Variants in PPFIA1 observed in about 807,000 individuals in gnomAD.
The protein encoded by PPFIA1 is PPFI scaffold protein A1.
PPFIA1 carries 25 observed loss-of-function variants against 149.9 expected under a neutral mutation model. The observed-to-expected ratio is 0.17, with a 90% CI of 0.12 to 0.23. The LOEUF is 0.23. Among genes scored for constraint, PPFIA1 ranks in the 10% least tolerant of loss-of-function variants. The pLI is 1.00. For synonymous variants in PPFIA1, 549 were observed against 552.8 expected (o/e 0.99, Z 0.10); for missense variants, 1,362 against 1,506.5 (o/e 0.90, Z 1.59).
intron 16 of PPFIA1, among the ~76,000 whole-genome samples, chr11:70,351,986 A>T: frequency 6.6e-6 from 1 of 152,156 alleles, no homozygotes; most frequent in South Asian, 2.1e-4. Context: ...GCTGTTCTTT[A>T]TGTTGACCCC....
At chr11:70,321,484 C>T (rs893002370) in intron 2 of PPFIA1, 2 of 151,962 alleles carry the variant, frequency 1.3e-5, no homozygotes, top group East Asian at 1.9e-4. Flanking sequence ...TTTACTGCAT[C>T]GGAAATTTAA....
At chr11:70,336,788 C>T (rs1251714051) in intron 11 of PPFIA1, among the ~76,000 whole-genome samples, 2 of 152,218 alleles carry the variant, frequency 1.3e-5, no homozygotes, top group African/African-American at 2.4e-5. Flanking sequence ...CCTGTCCTGA[C>T]TGTGCAGTGT....
chr11:70,339,303 C>T lies in PPFIA1; in HGVS notation c.1704C>T (p.Ser568=), dbSNP rs1424982891. ...GRLAALRDEP[S]KVQTLNEQDW... ...TGGCAGCCCTGCGAGATGAGCCTTCCAAGGCAAGGTCTTTGTGTGAAATAC... is the reference window on the plus strand; with the variant it reads ...TGGCAGCCCTGCGAGATGAGCCTTCTAAGGCAAGGTCTTTGTGTGAAATAC... The change falls in exon 14 of 28, where the codon TCC becomes TCT. Residue 568 remains serine, a synonymous_variant. Transcript: ENST00000253925. 4.3e-6 allele frequency: 7 copies of T among 1,613,170 alleles called. No individual in the cohort carries two copies. Among genetic ancestry groups the T allele is most frequent in the South Asian group, 1.1e-5 (1 of 91,048 alleles).
At chr11:70,342,846 A>G (rs1010003702) in intron 14 of PPFIA1, among the ~76,000 whole-genome samples, 7 of 150,610 alleles carry the variant, frequency 4.6e-5, no homozygotes, top group African/African-American at 1.7e-4. Context: ...AATCAGGGTA[A>G]TTGGGATATC....
At chr11:70,363,600 A>G (rs933399657) in intron 21 of PPFIA1, among the ~76,000 whole-genome samples, 1 of 152,120 alleles carries the variant, frequency 6.6e-6, no homozygotes, top group Non-Finnish European at 1.5e-5. Flanking sequence ...TGCAGCCTCA[A>G]CCTCTTGGGC....
intron 2 of PPFIA1, among the ~76,000 whole-genome samples, chr11:70,290,785 A>G (rs1307736759): frequency 6.6e-6 from 1 of 152,244 alleles, no homozygotes; most frequent in East Asian, 1.9e-4. Flanking sequence ...CAGTACTAAT[A>G]TAAAAATTGA....
intron 17 of PPFIA1, among the ~76,000 whole-genome samples, chr11:70,354,740 G>A (rs1171044892): frequency 6.6e-6 from 1 of 151,874 alleles, no homozygotes; most frequent in Non-Finnish European, 1.5e-5. Flanking sequence ...TCTATAAATT[G>A]ACTACTTTCT....
intron 6 of PPFIA1, 92 bp downstream of exon 6, chr11:70,326,455 C>A: frequency 7.6e-7 from 1 of 1,324,364 alleles, no homozygotes; most frequent in Non-Finnish European, 1.1e-6. Context: ...AAAGTACCGG[C>A]TTAGAGCTGA....
intron 2 of PPFIA1, among the ~76,000 whole-genome samples, chr11:70,291,119 A>G (rs2051497416): frequency 6.6e-6 from 1 of 152,106 alleles, no homozygotes; most frequent in Non-Finnish European, 1.5e-5. Flanking sequence ...TCCCGACCTC[A>G]GGTTATCCAC....
At chr11:70,318,461 G>C (rs113387935) in intron 2 of PPFIA1, among the ~76,000 whole-genome samples, 2 of 152,150 alleles carry the variant, frequency 1.3e-5, no homozygotes, top group African/African-American at 4.8e-5. Context: ...CCTGCTTTCA[G>C]CTGGACTCAT....
intron 2 of PPFIA1, chr11:70,321,520 A>T (rs1227188274): frequency 1.3e-5 from 2 of 152,276 alleles, no homozygotes; most frequent in Admixed American, 1.3e-4. Flanking sequence ...AACTGTCAAA[A>T]TAAGTATGTT....
chr11:70,355,627 C>G lies in PPFIA1; in HGVS notation c.2316-12C>G. 6.3e-7 allele frequency: 1 copy of G among 1,587,360 alleles called. No individual in the cohort carries two copies. Among genetic ancestry groups the G allele is most frequent in the Non-Finnish European group, 8.5e-7 (1 of 1,171,402 alleles). On this transcript the variant is annotated splice_polypyrimidine_tract_variant and intron_variant, in intron 17 of 27. Coordinates refer to ENST00000253925, the MANE Select transcript of PPFIA1 (RefSeq NM_003626.5). The stretch of plus-strand genomic sequence containing the variant: ...AGGGCACATAGTAAAGATCCGTTTT[C>G]TTTCCTCGAAGCTCCACAGGCTCCC...
At chr11:70,304,399 C>T (rs2052704768) in intron 2 of PPFIA1, among the ~76,000 whole-genome samples, 1 of 152,138 alleles carries the variant, frequency 6.6e-6, no homozygotes, top group South Asian at 2.1e-4. Context: ...AATTCCTGGC[C>T]TTAAGCAGCC....
At chr11:70,288,097 CGG>C (rs1565346450) in intron 2 of PPFIA1, among the ~76,000 whole-genome samples, 1 of 144,514 alleles carries the variant, frequency 6.9e-6, no homozygotes, top group Non-Finnish European at 1.5e-5. Flanking sequence ...TTTTTTGAGA[CGG>C]AGTCTTGCTC....
rs1321498579 is a variant in PPFIA1, at chr11:70,326,825, A to G, written c.930+7A>G. 6.2e-7 allele frequency: 1 copy of G among 1,606,946 alleles called. No homozygotes were observed. The highest frequency in any genetic ancestry group is 1.1e-5 in the South Asian group (1 of 90,698). On this transcript the variant is annotated splice_region_variant and intron_variant, in intron 7 of 27. Coordinates refer to ENST00000253925, the MANE Select transcript of PPFIA1 (RefSeq NM_003626.5). ...GCAACGAGATGTCCGTGAAGTGAGC[A>G]ATAACAAAAACTACAGTCTTGTCAT...
At position 70,382,120 on chromosome 11, in the gene PPFIA1, G is replaced by A; in HGVS notation, c.3583G>A (p.Ala1195Thr). Residue 1195 changes from alanine to threonine, a missense_variant, in exon 27 of 28, where the codon GCT (alanine) becomes ACT (threonine). Around this residue, in one of 7 missense-constraint regions of PPFIA1, gnomAD observed 349 missense variants for 373.3 expected, o/e 0.93. Coordinates refer to ENST00000253925, the MANE Select transcript of PPFIA1 (RefSeq NM_003626.5). The stretch of plus-strand genomic sequence containing the variant: ...ATCAGGAACACAGAGGTTGGATTCT[G>A]CTACAGTCAGGACTTACTCCTGCTA... ...NVSGTQRLDSATVRTYSC is the reference protein window; with the variant it reads ...NVSGTQRLDSTTVRTYSC The A allele has an allele frequency of 6.2e-7, 1 of 1,614,042 alleles. No individual in the cohort carries two copies. Among genetic ancestry groups the A allele is most frequent in the South Asian group, 1.1e-5 (1 of 91,048 alleles).
chr11:70,377,947 A>G (rs2057552951), intron 25 of PPFIA1, 83 bp from the exon 26 acceptor site: 1 of 1,052,216 alleles, frequency 9.5e-7, no homozygotes, highest in East Asian at 2.4e-5. Flanking sequence ...CGAGATCAGC[A>G]GTCATTTTAA....
intron 2 of PPFIA1, among the ~76,000 whole-genome samples, chr11:70,293,401 C>T (rs1475501128): frequency 3.9e-5 from 6 of 152,214 alleles, no homozygotes; most frequent in African/African-American, 7.2e-5. Context: ...CCCATCATAA[C>T]GTTAAAATTT....
chr11:70,335,699 GT>G lies in PPFIA1; in HGVS notation c.1428+7del, dbSNP rs2054929370. The G allele has an allele frequency of 6.2e-7, 1 of 1,613,594 alleles. No individual in the cohort carries two copies. Among genetic ancestry groups the G allele is most frequent in the Non-Finnish European group, 8.5e-7 (1 of 1,179,802 alleles). On this transcript the variant is annotated splice_donor_region_variant and intron_variant, in intron 11 of 27. Coordinates refer to ENST00000253925, the MANE Select transcript of PPFIA1 (RefSeq NM_003626.5). ...ATGGCTGCTTTGGAAGATAAGGTAA[GT>G]TAGATAACACGGACATGCTGGAGCT...
Sources: allele counts gnomAD v4.1 joint callset (sites outside exome capture counted in the v4.1 genomes callset), GRCh38; gene constraint gnomAD v4.1.1; regional missense constraint gnomAD v4.1.1; transcripts MANE v1.5; gene names NCBI Gene and HGNC (gene_info 2026-07-23, HGNC 2026-07-21).